The following NPTX1 variants were observed in gnomAD, a reference collection of about 807,000 sequenced individuals.
NPTX1 encodes the protein neuronal pentraxin 1.
A neutral mutation model predicts 38.7 loss-of-function variants in NPTX1; 12 were observed. The observed-to-expected ratio is 0.31, with a 90% CI of 0.20 to 0.50. The LOEUF is 0.50. Ranked by LOEUF, NPTX1 falls within the 20% of genes least tolerant of loss-of-function variation. The pLI, the probability that NPTX1 is intolerant of heterozygous loss-of-function variation, is 0.98. For missense variants in NPTX1, 454 were observed against 592.2 expected (o/e 0.77, Z 2.42); for synonymous variants, 272 against 264.9 (o/e 1.03, Z -0.26).
rs1282524245 is a variant in NPTX1, at chr17:80,476,193, T to C, written c.254A>G (p.Lys85Arg). The change falls in exon 1 of 5, where the codon AAG (lysine) becomes AGG (arginine). Residue 85 changes from lysine (K) to arginine (R), a missense_variant. Lys to Arg is a conservative substitution (Grantham distance 26). Around this residue, in one of 4 missense-constraint regions of NPTX1, gnomAD observed 288 missense variants for 318.4 expected, o/e 0.90. Coordinates refer to ENST00000306773, the MANE Select transcript of NPTX1 (RefSeq NM_002522.4). The surrounding 1 kb of genome is among the most constrained non-coding windows in gnomAD (Gnocchi z 6.3). ...QKETIRELTAKLGRCESQSTL... is the reference protein window; with the variant it reads ...QKETIRELTARLGRCESQSTL... ...GCTCTGGCTCTCGCAGCGGCCCAGC[T>C]TGGCGGTCAGCTCGCGGATGGTCTC... 6.3e-7 allele frequency: 1 copy of C among 1,578,664 alleles called. No homozygotes were observed. Among genetic ancestry groups the C allele is most frequent in the Non-Finnish European group, 8.6e-7 (1 of 1,168,394 alleles).
chr17:80,475,566 G>C lies in NPTX1; in HGVS notation c.597C>G (p.Val199=). ...GGPRNDTEER[V]KIETALTSLH... is the part of the protein sequence containing the mutation. ...GGGAGGTCAGGGCGGTCTCGATCTT[G>C]ACCCTCTCCTCGGTGTCGTTCCTGG... Residue 199 remains valine, a synonymous_variant, in exon 2 of 5, where the codon GTC becomes GTG. Coordinates refer to ENST00000306773, the MANE Select transcript of NPTX1 (RefSeq NM_002522.4). The surrounding 1 kb of genome is among the most constrained non-coding windows in gnomAD (Gnocchi z 6.5). 6.2e-7 allele frequency: 1 copy of C among 1,612,904 alleles called. No homozygotes were observed. The highest frequency in any genetic ancestry group is 2.2e-5 in the East Asian group (1 of 44,868).
chr17:80,476,318 G>T lies in NPTX1; in HGVS notation c.129C>A (p.Ala43=), dbSNP rs750523619. The T allele has an allele frequency of 2.6e-6, 4 of 1,549,498 alleles. No homozygotes were observed. The South Asian group carries it at 3.5e-5, about 14-fold the overall frequency. Reference sequence around the variant, plus strand: ...CGGCGCCGCCGGCGGCCACGGACGCGGCGCACATGTCGGCGTCCACGGGCA... The same window carrying T: ...CGGCGCCGCCGGCGGCCACGGACGCTGCGCACATGTCGGCGTCCACGGGCA... ...TSVPVDADMC[A]ASVAAGGAEE... Residue 43 remains alanine (A), a synonymous_variant, in exon 1 of 5, where the codon GCC becomes GCA. Transcript: ENST00000306773. The surrounding 1 kb of genome is among the most constrained non-coding windows in gnomAD (Gnocchi z 6.3).
In NPTX1 at chr17:80,470,785, C is replaced by G. The variant is rs373315478; in HGVS notation, c.*28G>C. 4 of 1,466,764 alleles carry G rather than the reference C, an allele frequency of 2.7e-6. No individual in the cohort carries two copies. Among genetic ancestry groups the G allele is most frequent in the Middle Eastern group, 2.1e-4 (1 of 4,666 alleles). The allele number at this position is 1,466,764 out of a possible 1,614,324, so 90.9% of individuals were successfully genotyped here. ...TCGCCGCACAAGCAGGGGGCGAGGG[C>G]GGGCGGGCTCAGCCTGGCCTGCCGT... On this transcript the variant is annotated 3_prime_UTR_variant, in exon 5 of 5. Transcript: ENST00000306773.
In NPTX1 at chr17:80,475,083, G is replaced by A. The variant is rs960013555; in HGVS notation, c.652+428C>T. Among the ~76,000 whole-genome samples the A allele has an allele frequency of 6.6e-6, 1 of 152,228 alleles. No individual in the cohort carries two copies. The highest frequency in any genetic ancestry group is 1.5e-5 in the Non-Finnish European group (1 of 68,046). ...TAACAGCCTCAGCGGCCCGGGGAAC[G>A]AGAGCGCCCAGCCCCAGCCTGCACC... On this transcript the variant is annotated intron_variant, in intron 2 of 4. Transcript: ENST00000306773. The surrounding 1 kb of genome is among the most constrained non-coding windows in gnomAD (Gnocchi z 6.5).
At chr17:80,473,879 C>A in intron 2 of NPTX1, 1 of 200,352 alleles carries the variant, frequency 5.0e-6, no homozygotes, top group Non-Finnish European at 1.0e-5. Context: ...CAGGATGGGG[C>A]GGGGCTCAGA....
At position 80,470,628 on chromosome 17, in the gene NPTX1, G is replaced by A. The variant is rs1284073293; in HGVS notation, c.*185C>T. On this transcript the variant is annotated 3_prime_UTR_variant, in exon 5 of 5. Transcript: ENST00000306773. Reference sequence around the variant, plus strand: ...CTACAGAGAAGTGGGGCTTCCTCAGGGACAGATGGGAGCAGGGGCTGCTTC... The same window carrying A: ...CTACAGAGAAGTGGGGCTTCCTCAGAGACAGATGGGAGCAGGGGCTGCTTC... 1.8e-6 allele frequency: 1 copy of A among 549,894 alleles called. No individual in the cohort carries two copies. The highest frequency in any genetic ancestry group is 3.0e-5 in the East Asian group (1 of 33,612). The allele number at this position is 549,894 out of a possible 1,614,324, so 34.1% of individuals were successfully genotyped here. A position where few individuals can be genotyped will look rare whatever the true frequency, so the allele number is the denominator to read the frequency against.
In NPTX1 at chr17:80,476,240, C is replaced by T; in HGVS notation, c.207G>A (p.Lys69=). The part of the protein sequence containing the change: ...LQLRETVLQQ[K]ETILSQKETI... Reference sequence around the variant, plus strand: ...TCTCCTTCTGGCTCAGGATGGTCTCCTTCTGCTGCAGCACCGTCTCGCGGA... The same window carrying T: ...TCTCCTTCTGGCTCAGGATGGTCTCTTTCTGCTGCAGCACCGTCTCGCGGA... The change falls in exon 1 of 5, where the codon AAG becomes AAA. Residue 69 remains lysine (K), a synonymous_variant. Coordinates refer to ENST00000306773, the MANE Select transcript of NPTX1 (RefSeq NM_002522.4). This position sits in a 1 kb window ranked among gnomAD's most constrained non-coding sequence, Gnocchi z 6.3. 6.4e-7 allele frequency: 1 copy of T among 1,570,560 alleles called. No individual in the cohort carries two copies. Among genetic ancestry groups the T allele is most frequent in the Non-Finnish European group, 8.6e-7 (1 of 1,166,000 alleles).
chr17:80,475,190 CAA>C lies in NPTX1; in HGVS notation c.652+319_652+320del, dbSNP rs2083871821. Among the ~76,000 whole-genome samples, 1 of 152,140 alleles carries C rather than the reference CAA, an allele frequency of 6.6e-6. No homozygotes were observed. Among genetic ancestry groups the C allele is most frequent in the Non-Finnish European group, 1.5e-5 (1 of 68,034 alleles). On this transcript the variant is annotated intron_variant, in intron 2 of 4. Transcript: ENST00000306773. This position sits in a 1 kb window ranked among gnomAD's most constrained non-coding sequence, Gnocchi z 6.5. ...GTTTGAGCCAGCGACAGCCACTGTG[CAA>C]AGTTACTGAGGATTAAACAAATCAG...
rs1057035646 is a variant in NPTX1, at chr17:80,469,419, A to C, written c.*1394T>G. On this transcript the variant is annotated 3_prime_UTR_variant, in exon 5 of 5. Coordinates refer to ENST00000306773, the MANE Select transcript of NPTX1 (RefSeq NM_002522.4). ...CACACACACACACAAATGCACATAC[A>C]CTTCTCTCCCCTCCTTGGAAGGACT... 4.6e-5 allele frequency: 7 copies of C among 152,124 alleles called. No homozygotes were observed. The highest frequency in any genetic ancestry group is 6.6e-5 in the Admixed American group (1 of 15,264). 9.4% of individuals were successfully genotyped at this position (152,124 alleles called of 1,614,324 possible).
At chr17:80,473,543 G>T in intron 2 of NPTX1, 99 bp from the exon 3 acceptor site, 1 of 1,236,536 alleles carries the variant, frequency 8.1e-7, no homozygotes, top group Non-Finnish European at 1.2e-6. Flanking sequence ...GCGTGGCCAG[G>T]GCAGGCTCCG....
Position 80,475,518 on chromosome 17 carries a change from G to A in NPTX1, c.645C>T (p.Leu215=), listed in dbSNP as rs147523871. The A allele has an allele frequency of 6.2e-7, 1 of 1,611,570 alleles. No homozygotes were observed. The highest frequency in any genetic ancestry group is 8.5e-7 in the Non-Finnish European group (1 of 1,179,594). ...LTSLHQRISE[L]EKGQKDNRPG... is the part of the protein sequence containing the mutation. ...TCCCCCTGGCCCCAGTACCTTTCTC[G>A]AGCTCGCTGATCCGCTGGTGCAGGG... is the stretch of plus-strand genomic sequence containing the variant. Residue 215 remains leucine, a synonymous_variant, in exon 2 of 5, where the codon CTC becomes CTT. Transcript: ENST00000306773. This position sits in a 1 kb window ranked among gnomAD's most constrained non-coding sequence, Gnocchi z 6.5.
At position 80,473,290 on chromosome 17, in the gene NPTX1, C is replaced by T. The variant is rs574612134; in HGVS notation, c.807G>A (p.Thr269=). The T allele has an allele frequency of 1.0e-4, 164 of 1,613,924 alleles. No individual in the cohort carries two copies. In the Admixed American group the frequency reaches 1.2e-3, roughly 12 times the overall value. ...LKSSATPGVG[T]PFSYAVPGQA... ...GGCCGGGCACAGCGTAGGAGAAGGGCGTGCCCACACCTGGCGTGGCGCTGG... is the reference window on the plus strand; with the variant it reads ...GGCCGGGCACAGCGTAGGAGAAGGGTGTGCCCACACCTGGCGTGGCGCTGG... Residue 269 remains threonine (T), a synonymous_variant, in exon 3 of 5, where the codon ACG becomes ACA. Coordinates refer to ENST00000306773, the MANE Select transcript of NPTX1 (RefSeq NM_002522.4).
Sources: gnomAD v4.1 joint callset for allele counts (sites outside exome capture counted in the v4.1 genomes callset) on GRCh38, gnomAD v4.1.1 for gene constraint, gnomAD v4.1.1 regional missense constraint, Gnocchi (gnomAD v3.1) non-coding constraint, MANE v1.5 for transcripts, NCBI Gene and HGNC (gene_info 2026-07-23, HGNC 2026-07-21) for gene names.